The following MFAP3 variants were observed in gnomAD, a reference collection of about 807,000 sequenced individuals.
MFAP3 encodes microfibril-associated glycoprotein 3.
MFAP3 carries 8 observed loss-of-function variants against 20.5 expected under a neutral mutation model. That is an observed-to-expected ratio of 0.39 (90% CI 0.23 to 0.70). The LOEUF is 0.70. Among genes scored for constraint, MFAP3 ranks in the 30% least tolerant of loss-of-function variants. The probability of loss-of-function intolerance (pLI) is 0.44; values close to 1 mark genes in which losing one functional copy is unlikely to be tolerated. For synonymous variants in MFAP3, 140 were observed against 154.0 expected, an observed-to-expected ratio of 0.91 and a Z score of 0.67; for missense variants, 398 against 444.6, an observed-to-expected ratio of 0.90 and a Z score of 0.94.
At chr5:154,045,222 G>A (rs1773049146) in intron 1 of MFAP3, among the ~76,000 whole-genome samples, 1 of 152,186 alleles carries the variant, frequency 6.6e-6, no homozygotes, top group South Asian at 2.1e-4. Context: ...TTGCCAATAG[G>A]TTGTCTTCCT....
Position 154,053,118 on chromosome 5 carries a change from T to C in MFAP3, c.494T>C (p.Leu165Ser). The C allele has an allele frequency of 6.2e-7, 1 of 1,613,938 alleles. No homozygotes were observed. Among genetic ancestry groups the C allele is most frequent in the Non-Finnish European group, 8.5e-7 (1 of 1,179,920 alleles). ...CLIAFTITLI[L>S]NVTRLCMMSS... ...ATTGCCTTTACAATCACACTCATCTTGAATGTCACACGGCTGTGCATGATG... is the reference window on the plus strand; with the variant it reads ...ATTGCCTTTACAATCACACTCATCTCGAATGTCACACGGCTGTGCATGATG... Residue 165 changes from leucine (L) to serine (S), a missense_variant, in exon 3 of 3, where the codon TTG (leucine) becomes TCG (serine). Leu to Ser is a moderately radical substitution (Grantham distance 145). Transcript: ENST00000522782.
rs1322110004 is a variant in MFAP3 at position 154,057,210 on chromosome 5, G to A, written c.*3497G>A. On this transcript the variant is annotated 3_prime_UTR_variant, in exon 3 of 3. Coordinates refer to ENST00000522782, the MANE Select transcript of MFAP3 (RefSeq NM_005927.5). ...AAATATTTCCTGAGTACCAGTAAGA[G>A]AATGCATTCTTTTCTCATCTAGGCC... Among the ~76,000 whole-genome samples the A allele has an allele frequency of 6.6e-6, 1 of 152,188 alleles. No homozygotes were observed. Among genetic ancestry groups the A allele is most frequent in the Non-Finnish European group, 1.5e-5 (1 of 68,046 alleles).
chr5:154,053,503 T>G lies in MFAP3; in HGVS notation c.879T>G (p.Ser293Arg). ...TCATTAACCCAGAGATGGGACGGAG[T>G]AATTCACCAGGAGGAGATTCAGATG... ...IYVINPEMGR[S>R]NSPGGDSDDG... Residue 293 changes from serine (S) to arginine (R), a missense_variant, in exon 3 of 3, where the codon AGT becomes AGG. Transcript: ENST00000522782. 6.2e-7 allele frequency: 1 copy of G among 1,613,728 alleles called. No individual in the cohort carries two copies. The highest frequency in any genetic ancestry group is 8.5e-7 in the Non-Finnish European group (1 of 1,179,946).
chr5:154,052,852 A>T lies in MFAP3; in HGVS notation c.296-68A>T, dbSNP rs140530405. The T allele has an allele frequency of 1.9e-4, 256 of 1,320,674 alleles. No individual in the cohort carries two copies. The African/African-American group carries it at 3.3e-3, about 17-fold the overall frequency. 81.8% of individuals were successfully genotyped at this position (1,320,674 alleles called of 1,614,324 possible). On this transcript the variant is annotated intron_variant, in intron 2 of 2. Coordinates refer to ENST00000522782, the MANE Select transcript of MFAP3 (RefSeq NM_005927.5). ...ACTTTGATAAAGAGGTGGAATATGG[A>T]TAAGGCAGCGGGCATATTTAGTAAT...
At chr5:154,044,505 A>G (rs1377765678) in intron 1 of MFAP3, among the ~76,000 whole-genome samples, 1 of 152,232 alleles carries the variant, frequency 6.6e-6, no homozygotes, top group Non-Finnish European at 1.5e-5. Flanking sequence ...CAGGATGTAC[A>G]TGGTATGAGT....
At chr5:154,042,394 A>G (rs1335568516) in intron 1 of MFAP3, among the ~76,000 whole-genome samples, 2 of 152,250 alleles carry the variant, frequency 1.3e-5, no homozygotes, top group East Asian at 3.8e-4. Flanking sequence ...TCCAGGTGCC[A>G]GAAGATATGT....
intron 1 of MFAP3, among the ~76,000 whole-genome samples, chr5:154,041,430 TA>T (rs1772949814): frequency 1.3e-5 from 2 of 152,200 alleles, no homozygotes; most frequent in Admixed American, 6.5e-5. Flanking sequence ...GTGAGGAAAC[TA>T]AAACCACTGG....
At chr5:154,039,087 T>TG (rs1030550279) in intron 1 of MFAP3, 76 bp downstream of exon 1, 7 of 152,324 alleles carry the variant, frequency 4.6e-5, no homozygotes, top group Non-Finnish European at 1.0e-4. Context: ...GCCTGTGGCT[T>TG]GGGGTCGGGA....
At position 154,056,849 on chromosome 5, in the gene MFAP3, A is replaced by G. The variant is rs1173357489; in HGVS notation, c.*3136A>G. ...CTTGAGTCAGGGCCAGCACGCATTT[A>G]TATTTTCTACCAATTACCTTGATAG... On this transcript the variant is annotated 3_prime_UTR_variant, in exon 3 of 3. Coordinates refer to ENST00000522782, the MANE Select transcript of MFAP3 (RefSeq NM_005927.5). 6.6e-6 allele frequency among the ~76,000 whole-genome samples: 1 copy of G among 152,226 alleles called. No homozygotes were observed. The highest frequency in any genetic ancestry group is 1.5e-5 in the Non-Finnish European group (1 of 68,042).
intron 1 of MFAP3, among the ~76,000 whole-genome samples, chr5:154,040,478 A>G (rs1245117579): frequency 6.6e-6 from 1 of 152,188 alleles, no homozygotes; most frequent in Non-Finnish European, 1.5e-5. Context: ...ATTGTGCCAT[A>G]TTGTGTGAGA....
At position 154,055,811 on chromosome 5, in the gene MFAP3, G is replaced by T. The variant is rs1773316678; in HGVS notation, c.*2098G>T. On this transcript the variant is annotated 3_prime_UTR_variant, in exon 3 of 3. Transcript: ENST00000522782. The stretch of plus-strand genomic sequence containing the variant: ...TTTGTAGAGATGGGGGTCTCACTTT[G>T]TTGCCCAGGCTGACCTTGTACTTGT... 6.6e-6 allele frequency among the ~76,000 whole-genome samples: 1 copy of T among 152,010 alleles called. No individual in the cohort carries two copies. Among genetic ancestry groups the T allele is most frequent in the Non-Finnish European group, 1.5e-5 (1 of 67,990 alleles).
intron 2 of MFAP3, among the ~76,000 whole-genome samples, chr5:154,050,605 C>T (rs1203560998): frequency 7.6e-6 from 1 of 131,528 alleles, no homozygotes; most frequent in South Asian, 2.6e-4. Context: ...TAAGCCCTTC[C>T]AGCTCTTTTT....
chr5:154,048,790 C>G (rs1773117863), intron 1 of MFAP3, among the ~76,000 whole-genome samples: 1 of 152,130 alleles, frequency 6.6e-6, no homozygotes, highest in African/African-American at 2.4e-5. Flanking sequence ...ATGTCAGTTC[C>G]TCCCTTAGCT....
At chr5:154,039,078 C>G (rs548544669) in intron 1 of MFAP3, 67 bp downstream of exon 1, 1 of 152,396 alleles carries the variant, frequency 6.6e-6, no homozygotes, top group Non-Finnish European at 1.5e-5. Context: ...TGAGTCGTAG[C>G]CTGTGGCTTG....
At chr5:154,048,974 G>T (rs1041104492) in intron 1 of MFAP3, among the ~76,000 whole-genome samples, 2 of 152,208 alleles carry the variant, frequency 1.3e-5, no homozygotes, top group Non-Finnish European at 2.9e-5. Flanking sequence ...TGTGTATGCA[G>T]TAAGTGCAGC....
chr5:154,053,739 A>C lies in MFAP3; in HGVS notation c.*26A>C. 6.5e-7 allele frequency: 1 copy of C among 1,550,288 alleles called. No individual in the cohort carries two copies. The highest frequency in any genetic ancestry group is 8.7e-7 in the Non-Finnish European group (1 of 1,147,608). ...CCTACAATGCTGTAACCCAGTACCT[A>C]CAAAATCAGCTCGCTCTCAGAAAAG... On this transcript the variant is annotated 3_prime_UTR_variant, in exon 3 of 3. Transcript: ENST00000522782.
chr5:154,044,880 A>T (rs535043515), intron 1 of MFAP3, among the ~76,000 whole-genome samples: 1 of 151,608 alleles, frequency 6.6e-6, no homozygotes, highest in African/African-American at 2.4e-5. Flanking sequence ...TTGCACATTC[A>T]TCTTCACTTT....
chr5:154,053,210 C>T lies in MFAP3; in HGVS notation c.586C>T (p.Leu196Phe). The stretch of plus-strand genomic sequence containing the variant: ...CTTTAGAACTGAAGGGGCTGAGAAA[C>T]TTCAGAAGGCCTTTGAGATTGCAAA... ...EFFRTEGAEK[L>F]QKAFEIAKRI... The change falls in exon 3 of 3, where the codon CTT becomes TTT. Residue 196 changes from leucine (L) to phenylalanine (F), a missense_variant. By Grantham distance (22) the Leu-to-Phe change is conservative (BLOSUM62 0). Coordinates refer to ENST00000522782, the MANE Select transcript of MFAP3 (RefSeq NM_005927.5). The T allele has an allele frequency of 1.2e-6, 2 of 1,613,938 alleles. No individual in the cohort carries two copies. The highest frequency in any genetic ancestry group is 1.7e-6 in the Non-Finnish European group (2 of 1,179,904).
intron 1 of MFAP3, among the ~76,000 whole-genome samples, chr5:154,043,768 G>A (rs115714469): frequency 7.3e-5 from 11 of 150,332 alleles, no homozygotes; most frequent in South Asian, 2.1e-4. Flanking sequence ...ACAAATGCAC[G>A]TACTCTTGTG....
Sources: allele counts gnomAD v4.1 joint callset (sites outside exome capture counted in the v4.1 genomes callset), GRCh38; gene constraint gnomAD v4.1.1; transcripts MANE v1.5; gene names NCBI Gene and HGNC (gene_info 2026-07-23, HGNC 2026-07-21).